Variants in RNF217 observed in about 807,000 individuals in gnomAD.
RNF217 encodes the protein E3 ubiquitin-protein ligase RNF217.
Under a neutral mutation model 57.8 loss-of-function variants are expected in RNF217, and 31 were observed. The observed-to-expected ratio is 0.54, with a 90% CI of 0.40 to 0.72. RNF217 has a LOEUF of 0.72. Among genes scored for constraint, RNF217 ranks in the 30% least tolerant of loss-of-function variants. RNF217 has a pLI of 0.00. For synonymous variants in RNF217, 313 were observed against 294.0 expected (o/e 1.06, Z -0.66); for missense variants, 696 against 708.3 (o/e 0.98, Z 0.20).
At chr6:125,005,808 A>G (rs894348183) in intron 1 of RNF217, among the ~76,000 whole-genome samples, 5 of 152,202 alleles carry the variant, frequency 3.3e-5, no homozygotes, top group Middle Eastern at 3.2e-3. Flanking sequence ...ATGGTTTTGT[A>G]TAGAACATAA....
At chr6:125,019,700 CA>C (rs1259207551) in intron 1 of RNF217, among the ~76,000 whole-genome samples, 6 of 152,010 alleles carry the variant, frequency 3.9e-5, no homozygotes, top group Non-Finnish European at 8.8e-5. Flanking sequence ...CTTACAGGCA[CA>C]CTGTCTGGTG....
At chr6:124,982,263 G>C (rs984425282) in intron 1 of RNF217, among the ~76,000 whole-genome samples, 1 of 151,998 alleles carries the variant, frequency 6.6e-6, no homozygotes. Context: ...TTTCTGTCAA[G>C]AATCAACTCA....
intron 1 of RNF217, among the ~76,000 whole-genome samples, chr6:124,983,720 G>C (rs190690645): frequency 1.3e-5 from 2 of 152,158 alleles, no homozygotes; most frequent in African/African-American, 4.8e-5. Context: ...GAGGCTTGGA[G>C]TTAGATGATT....
intron 1 of RNF217, among the ~76,000 whole-genome samples, chr6:125,019,845 G>GA (rs1210079334): frequency 6.6e-6 from 1 of 150,820 alleles, no homozygotes; most frequent in African/African-American, 2.4e-5. Context: ...GGGGGGGAGT[G>GA]AAAAAATCCT....
intron 3 of RNF217, among the ~76,000 whole-genome samples, chr6:125,067,771 G>A (rs1000785879): frequency 3.3e-5 from 5 of 152,144 alleles, no homozygotes; most frequent in Non-Finnish European, 7.4e-5. Context: ...GTCCTCAGTA[G>A]AGATAAAGAT....
chr6:125,062,042 T>C (rs1787755149), intron 3 of RNF217, among the ~76,000 whole-genome samples: 1 of 152,058 alleles, frequency 6.6e-6, no homozygotes. Flanking sequence ...TAAATTACAA[T>C]ATCTTAAATT....
At chr6:124,998,854 T>C (rs796807992) in intron 1 of RNF217, among the ~76,000 whole-genome samples, 3 of 152,334 alleles carry the variant, frequency 2.0e-5, no homozygotes, top group African/African-American at 7.2e-5. Context: ...AGCACCTGTA[T>C]GGTTGTAAAC....
Position 124,962,971 on chromosome 6 carries a change from G to A in RNF217, c.427G>A (p.Asp143Asn). 6.3e-7 allele frequency: 1 copy of A among 1,597,166 alleles called. No homozygotes were observed. Among genetic ancestry groups the A allele is most frequent in the Non-Finnish European group, 8.5e-7 (1 of 1,179,334 alleles). Residue 143 changes from aspartate (D) to asparagine (N), a missense_variant, in exon 1 of 6, where the codon GAC becomes AAC. Transcript: ENST00000521654. The surrounding 1 kb of genome is among the most constrained non-coding windows in gnomAD (Gnocchi z 4.6). ...LEPRTRVGAA[D>N]GLVLDVLGQR... ...GCCCAGGACCCGCGTGGGGGCCGCC[G>A]ACGGACTGGTCCTGGACGTGCTGGG...
intron 1 of RNF217, among the ~76,000 whole-genome samples, chr6:125,033,906 A>T (rs1434932622): frequency 6.6e-6 from 1 of 151,998 alleles, no homozygotes; most frequent in Non-Finnish European, 1.5e-5. Flanking sequence ...GTGAGATGGT[A>T]TCTCATTGTG....
chr6:124,998,370 G>A (rs1310648563), intron 1 of RNF217, among the ~76,000 whole-genome samples: 1 of 152,158 alleles, frequency 6.6e-6, no homozygotes. Flanking sequence ...AAGTGAAGAC[G>A]AATTCAACTT....
At position 125,082,845 on chromosome 6, in the gene RNF217, A is replaced by G. The variant is rs1310121288; in HGVS notation, c.1556-19A>G. ...AATGCCTCTCATCCTAACTAACTTT[A>G]ATTTTTTCTTATCCCTAGGTTTATT... On this transcript the variant is annotated intron_variant, in intron 5 of 5. Coordinates refer to ENST00000521654, the MANE Select transcript of RNF217 (RefSeq NM_001286398.3). 6.4e-7 allele frequency: 1 copy of G among 1,559,768 alleles called. No homozygotes were observed. The highest frequency in any genetic ancestry group is 8.8e-7 in the Non-Finnish European group (1 of 1,141,564).
At chr6:124,974,088 G>A (rs1783865801) in intron 1 of RNF217, among the ~76,000 whole-genome samples, 1 of 152,192 alleles carries the variant, frequency 6.6e-6, no homozygotes, top group South Asian at 2.1e-4. Flanking sequence ...CCCAAGGGAT[G>A]TGGAAGCTGC....
intron 1 of RNF217, among the ~76,000 whole-genome samples, chr6:124,978,505 C>T (rs1784047369): frequency 6.6e-6 from 1 of 151,708 alleles, no homozygotes; most frequent in African/African-American, 2.4e-5. Context: ...AGGGGGGTTA[C>T]AGTTCTCGCT....
chr6:125,056,605 A>G (rs1191156002), intron 2 of RNF217, among the ~76,000 whole-genome samples: 2 of 152,198 alleles, frequency 1.3e-5, no homozygotes, highest in African/African-American at 2.4e-5. Flanking sequence ...TAATTAGTCT[A>G]TATAGTAGAA....
At chr6:125,032,561 TA>T (rs1017520833) in intron 1 of RNF217, among the ~76,000 whole-genome samples, 5 of 152,004 alleles carry the variant, frequency 3.3e-5, no homozygotes, top group Non-Finnish European at 5.9e-5. Flanking sequence ...ATATTTAAGT[TA>T]AAAAAGGACA....
rs949933979 is a variant in RNF217, at chr6:125,033,441, G to A, written c.883-11770G>A. ...TTCCCATCTATGAGTGAGAACATGC[G>A]GTGTTTGGTTTTTTGTCCTTGTGAT... On this transcript the variant is annotated intron_variant, in intron 1 of 5. Coordinates refer to ENST00000521654, the MANE Select transcript of RNF217 (RefSeq NM_001286398.3). 6.9e-5 allele frequency among the ~76,000 whole-genome samples: 9 copies of A among 130,582 alleles called. No homozygotes were observed. The South Asian group carries it at 2.3e-3, about 33-fold the overall frequency. The allele number at this position is 130,582 out of a possible 152,430, so 85.7% of individuals were successfully genotyped here.
chr6:125,019,936 G>A (rs1785767467), intron 1 of RNF217, among the ~76,000 whole-genome samples: 1 of 152,030 alleles, frequency 6.6e-6, no homozygotes, highest in African/African-American at 2.4e-5. Flanking sequence ...TCTTAGCTTA[G>A]TCAGCTTTGT....
At chr6:124,982,443 C>G (rs1370098189) in intron 1 of RNF217, among the ~76,000 whole-genome samples, 1 of 152,042 alleles carries the variant, frequency 6.6e-6, no homozygotes, top group African/African-American at 2.4e-5. Flanking sequence ...ATCTCACTTT[C>G]CAGATACTTG....
intron 1 of RNF217, among the ~76,000 whole-genome samples, chr6:124,982,349 T>A (rs1329958485): frequency 6.6e-6 from 1 of 152,176 alleles, no homozygotes; most frequent in African/African-American, 2.4e-5. Flanking sequence ...TCATGACAGT[T>A]TAGCATTTTT....
Sources: gnomAD v4.1 joint callset for allele counts (sites outside exome capture counted in the v4.1 genomes callset) on GRCh38, gnomAD v4.1.1 for gene constraint, Gnocchi (gnomAD v3.1) non-coding constraint, MANE v1.5 for transcripts, NCBI Gene and HGNC (gene_info 2026-07-23, HGNC 2026-07-21) for gene names.